ACOXL: variants seen among roughly 807,000 people sequenced by gnomAD.
ACOXL encodes the protein acyl-coenzyme A oxidase-like protein.
In ACOXL, 70 loss-of-function variants were observed where a neutral mutation model predicts 71.9. That is an observed-to-expected ratio of 0.97 (90% confidence interval 0.80 to 1.19). ACOXL has a LOEUF of 1.19. Ranked by LOEUF, ACOXL falls within the 50% of genes most tolerant of loss-of-function variation. The pLI is 0.00. For missense variants in ACOXL, 703 were observed against 736.3 expected (o/e 0.95, Z 0.52); for synonymous variants, 253 against 281.6 (o/e 0.90, Z 1.02).
At chr2:110,985,040 T>C (rs1356368368) in intron 12 of ACOXL, among the ~76,000 whole-genome samples, 1 of 152,218 alleles carries the variant, frequency 6.6e-6, no homozygotes, top group African/African-American at 2.4e-5. Flanking sequence ...AATTTGTTCA[T>C]ACTTGGAGTG....
At chr2:111,068,665 C>A (rs1314040437) in intron 16 of ACOXL, among the ~76,000 whole-genome samples, 1 of 152,184 alleles carries the variant, frequency 6.6e-6, no homozygotes, top group Non-Finnish European at 1.5e-5. Flanking sequence ...TTTTCCAGTT[C>A]TGCCTCTAGG....
At chr2:110,818,657 T>C (rs1460310670) in intron 9 of ACOXL, among the ~76,000 whole-genome samples, 1 of 152,048 alleles carries the variant, frequency 6.6e-6, no homozygotes, top group East Asian at 1.9e-4. Context: ...TTAGGTTAAA[T>C]GTGACATGAC....
chr2:111,003,992 G>A (rs1039697138), intron 14 of ACOXL, among the ~76,000 whole-genome samples: 3 of 152,138 alleles, frequency 2.0e-5, no homozygotes, highest in Non-Finnish European at 2.9e-5. Flanking sequence ...TTTTTGGCCC[G>A]GCTTTTTGCT....
At chr2:110,863,737 C>T (rs1033332827) in intron 10 of ACOXL, among the ~76,000 whole-genome samples, 1 of 151,998 alleles carries the variant, frequency 6.6e-6, no homozygotes, top group Non-Finnish European at 1.5e-5. Flanking sequence ...TCATTCACAG[C>T]CCATGTACTT....
At chr2:110,891,504 A>G (rs756644657) in intron 10 of ACOXL, among the ~76,000 whole-genome samples, 3 of 151,480 alleles carry the variant, frequency 2.0e-5, no homozygotes, top group Non-Finnish European at 4.4e-5. Flanking sequence ...TTGATGCTTA[A>G]TTCACCTACC....
At chr2:110,932,360 G>C (rs1259860620) in intron 11 of ACOXL, among the ~76,000 whole-genome samples, 2 of 152,190 alleles carry the variant, frequency 1.3e-5, no homozygotes, top group East Asian at 3.8e-4. Context: ...AACTCTTCAA[G>C]TGGTGCACTT....
intron 9 of ACOXL, among the ~76,000 whole-genome samples, chr2:110,820,034 A>T (rs146303920): frequency 3.9e-4 from 59 of 152,264 alleles, no homozygotes; most frequent in African/African-American, 1.2e-3. Flanking sequence ...AGTCCCTTGC[A>T]CCGTGCCTGA....
intron 8 of ACOXL, among the ~76,000 whole-genome samples, chr2:110,803,913 C>T (rs1686301035): frequency 6.6e-6 from 1 of 151,768 alleles, no homozygotes; most frequent in Admixed American, 6.6e-5. Flanking sequence ...TGAAAAGATG[C>T]TCAATGTCGT....
chr2:111,017,812 G>A (rs1182485513), intron 14 of ACOXL: 1 of 152,252 alleles, frequency 6.6e-6, no homozygotes, highest in African/African-American at 2.4e-5. Context: ...AGGTAGTGTG[G>A]TTCTGGTTTG....
chr2:111,055,205 G>C (rs1471612901), intron 16 of ACOXL, among the ~76,000 whole-genome samples: 1 of 152,116 alleles, frequency 6.6e-6, no homozygotes, highest in African/African-American at 2.4e-5. Context: ...AGGCCTTCAC[G>C]CCTTTGGTTC....
intron 12 of ACOXL, among the ~76,000 whole-genome samples, chr2:110,975,340 C>T (rs1363018960): frequency 6.6e-6 from 1 of 152,118 alleles, no homozygotes; most frequent in Non-Finnish European, 1.5e-5. Flanking sequence ...ACACCGTCCA[C>T]CTAGTTTCAT....
chr2:110,863,755 G>T (rs1694230704), intron 10 of ACOXL, among the ~76,000 whole-genome samples: 1 of 152,276 alleles, frequency 6.6e-6, no homozygotes, highest in South Asian at 2.1e-4. Context: ...CTTTATGTGA[G>T]TGTGGTTTCT....
intron 10 of ACOXL, among the ~76,000 whole-genome samples, chr2:110,866,127 G>A (rs191218901): frequency 4.4e-4 from 67 of 152,332 alleles, no homozygotes; most frequent in African/African-American, 1.6e-3. Flanking sequence ...GGCCTGTGGC[G>A]TGCCGTGTGC....
intron 2 of ACOXL, among the ~76,000 whole-genome samples, chr2:110,773,882 A>G (rs575406111): frequency 6.6e-6 from 1 of 152,158 alleles, no homozygotes; most frequent in Non-Finnish European, 1.5e-5. Flanking sequence ...AAGTCCCTCT[A>G]TGTAGATTGG....
chr2:111,093,477 C>G, intron 17 of ACOXL: 1 of 1,614,022 alleles, frequency 6.2e-7, no homozygotes, highest in Non-Finnish European at 8.5e-7. Context: ...TGATTACATC[C>G]TTTCTGCAGG....
intron 16 of ACOXL, among the ~76,000 whole-genome samples, chr2:111,064,454 A>C (rs1034772221): frequency 1.9e-4 from 29 of 151,872 alleles, no homozygotes; most frequent in South Asian, 6.2e-4. Context: ...AACAAAAAAA[A>C]AACAACAACT....
intron 12 of ACOXL, among the ~76,000 whole-genome samples, chr2:110,961,681 A>ATGT (rs2149449013): frequency 6.6e-6 from 1 of 152,326 alleles, no homozygotes; most frequent in South Asian, 2.1e-4. Context: ...TGCACTGCTT[A>ATGT]ATAAAGACAT....
chr2:110,813,665 G>A (rs575372877), intron 9 of ACOXL, among the ~76,000 whole-genome samples: 2 of 152,132 alleles, frequency 1.3e-5, no homozygotes, highest in African/African-American at 4.8e-5. Context: ...GCTTGTACAG[G>A]TTACTGTCCT....
chr2:111,075,841 A>C (rs1380089614), intron 16 of ACOXL, among the ~76,000 whole-genome samples: 1 of 152,106 alleles, frequency 6.6e-6, no homozygotes, highest in Non-Finnish European at 1.5e-5. Flanking sequence ...TTATATATAG[A>C]AGTATGAGGT....
Sources: gnomAD v4.1 joint callset for allele counts (sites outside exome capture counted in the v4.1 genomes callset) on GRCh38, gnomAD v4.1.1 for gene constraint, MANE v1.5 for transcripts, NCBI Gene and HGNC (gene_info 2026-07-23, HGNC 2026-07-21) for gene names.